MGMT: variants seen among roughly 807,000 people sequenced by gnomAD.
MGMT encodes the protein methylated-DNA--protein-cysteine methyltransferase.
In MGMT, 14 loss-of-function variants were observed where a neutral mutation model predicts 15.9. That is an observed-to-expected ratio of 0.88 (90% CI 0.58 to 1.37). The LOEUF (loss-of-function observed/expected upper bound fraction) is 1.37. MGMT is among the 40% of genes most tolerant of loss of function. The pLI, the probability that MGMT is intolerant of heterozygous loss-of-function variation, is 0.00. For missense variants in MGMT, 282 were observed against 268.1 expected, an observed-to-expected ratio of 1.05 and a Z score of -0.36; for synonymous variants, 130 against 118.2, an observed-to-expected ratio of 1.10 and a Z score of -0.65.
intron 1 of MGMT, among the ~76,000 whole-genome samples, chr10:129,534,176 G>A (rs1845961494): frequency 6.6e-6 from 1 of 152,162 alleles, no homozygotes. Context: ...GGGAGGCCGT[G>A]ATTTGCACCC....
chr10:129,574,819 A>G (rs1438309701), intron 2 of MGMT, among the ~76,000 whole-genome samples: 1 of 152,168 alleles, frequency 6.6e-6, no homozygotes, highest in African/African-American at 2.4e-5. Flanking sequence ...AATTATTAAA[A>G]ATATTGCTGC....
intron 2 of MGMT, among the ~76,000 whole-genome samples, chr10:129,576,692 C>T (rs1846487427): frequency 6.6e-6 from 1 of 152,156 alleles, no homozygotes; most frequent in African/African-American, 2.4e-5. Flanking sequence ...CCAGGGCAAT[C>T]AGGCAGGAGA....
rs113949109 is a variant in MGMT, at chr10:129,689,979, A to G, written c.126-17916A>G. Among the ~76,000 whole-genome samples, 394 of 152,310 alleles carry G rather than the reference A, an allele frequency of 2.6e-3. 4 individuals are homozygous for G. Among genetic ancestry groups the G allele is most frequent in the Non-Finnish European group, 4.4e-3 (302 of 68,024 alleles). On this transcript the variant is annotated intron_variant, in intron 2 of 4. Transcript: ENST00000651593. ...GAGTCCTTGTGTGCCAAAGTCGTAAACTCATTCAGATAGGCCCTAGGTCTG... is the reference window on the plus strand; with the variant it reads ...GAGTCCTTGTGTGCCAAAGTCGTAAGCTCATTCAGATAGGCCCTAGGTCTG...
At chr10:129,708,376 ACTAT>A (rs1190508250) in intron 3 of MGMT, among the ~76,000 whole-genome samples, 1 of 152,188 alleles carries the variant, frequency 6.6e-6, no homozygotes, top group Non-Finnish European at 1.5e-5. Context: ...GTGAACTTCA[ACTAT>A]CTGCTTGCCA....
chr10:129,694,472 G>A (rs565800635), intron 2 of MGMT, among the ~76,000 whole-genome samples: 42 of 152,296 alleles, frequency 2.8e-4, no homozygotes, highest in African/African-American at 1.0e-3. Flanking sequence ...ATTGATTTTT[G>A]AAGAGGAGGA....
chr10:129,746,515 G>A lies in MGMT; in HGVS notation c.275-12687G>A, dbSNP rs558324280. Among the ~76,000 whole-genome samples the A allele has an allele frequency of 9.2e-5, 14 of 151,468 alleles. No individual in the cohort carries two copies. The East Asian group carries it at 2.3e-3, about 25-fold the overall frequency. Reference sequence around the variant, plus strand: ...AAGTAAGTCATGAGATTTACATCACGTTTCACTATTTGCCTATGGATATCC... The same window carrying A: ...AAGTAAGTCATGAGATTTACATCACATTTCACTATTTGCCTATGGATATCC... On this transcript the variant is annotated intron_variant, in intron 3 of 4. Transcript: ENST00000651593.
chr10:129,763,724 A>C (rs1490590416), intron 4 of MGMT, among the ~76,000 whole-genome samples: 1 of 152,228 alleles, frequency 6.6e-6, no homozygotes, highest in Non-Finnish European at 1.5e-5. Context: ...GTATTATCTA[A>C]TAATGCCCTC....
At chr10:129,754,928 AGCCG>A (rs1848788395) in intron 3 of MGMT, among the ~76,000 whole-genome samples, 1 of 16,240 alleles carries the variant, frequency 6.2e-5, no homozygotes, top group East Asian at 1.7e-3. Context: ...AGTGGATTAG[AGCCG>A]AGCCCCTAGG....
chr10:129,669,989 C>T (rs762303482), intron 2 of MGMT, among the ~76,000 whole-genome samples: 1 of 152,036 alleles, frequency 6.6e-6, no homozygotes, highest in Non-Finnish European at 1.5e-5. Context: ...AAACCTGAAC[C>T]ATAAAAATTG....
intron 3 of MGMT, among the ~76,000 whole-genome samples, chr10:129,744,169 G>A (rs1848667834): frequency 6.6e-6 from 1 of 152,226 alleles, no homozygotes; most frequent in African/African-American, 2.4e-5. Flanking sequence ...CCAGGCCCAG[G>A]GGAGTCTTGC....
chr10:129,770,916 G>A lies in MGMT; in HGVS notation c.*3919G>A, dbSNP rs765889103. On this transcript the variant is annotated 3_prime_UTR_variant, in exon 5 of 5. Coordinates refer to ENST00000651593, the MANE Select transcript of MGMT (RefSeq NM_002412.5). ...TTTGGCTTCCCTCAGACCTCAGACC[G>A]TGTGGGTTTTTTTTTCTTTCTTTCT... Among the ~76,000 whole-genome samples the A allele has an allele frequency of 2.7e-5, 4 of 150,694 alleles. No homozygotes were observed. Among genetic ancestry groups the A allele is most frequent in the South Asian group, 2.1e-4 (1 of 4,822 alleles).
At chr10:129,576,773 A>G (rs557645626) in intron 2 of MGMT, among the ~76,000 whole-genome samples, 3 of 152,336 alleles carry the variant, frequency 2.0e-5, no homozygotes, top group East Asian at 1.9e-4. Flanking sequence ...ACGTGATTGT[A>G]TATCTAGAAA....
intron 2 of MGMT, among the ~76,000 whole-genome samples, chr10:129,642,820 T>A (rs899191411): frequency 6.6e-6 from 1 of 152,132 alleles, no homozygotes; most frequent in Non-Finnish European, 1.5e-5. Context: ...TAGTCACAGC[T>A]ACTTGGGAGG....
chr10:129,546,552 G>T (rs1175723734), intron 2 of MGMT, among the ~76,000 whole-genome samples: 1 of 152,204 alleles, frequency 6.6e-6, no homozygotes, highest in Admixed American at 6.5e-5. Flanking sequence ...AAAAGACCTG[G>T]AGGAACAGTT....
At chr10:129,525,642 T>A (rs10741195) in intron 1 of MGMT, among the ~76,000 whole-genome samples, 107,440 of 152,000 alleles carry the variant, frequency 0.71, 38,783 homozygotes, top group Middle Eastern at 0.81. Flanking sequence ...CCGGCTCCGA[T>A]GACAGTAATA....
At chr10:129,586,593 A>G (rs946892610) in intron 2 of MGMT, among the ~76,000 whole-genome samples, 2 of 152,182 alleles carry the variant, frequency 1.3e-5, no homozygotes, top group African/African-American at 2.4e-5. Context: ...GCTGAGTGGT[A>G]TTCCATTGTG....
At chr10:129,518,663 T>G (rs138427873) in intron 1 of MGMT, among the ~76,000 whole-genome samples, 1 of 133,562 alleles carries the variant, frequency 7.5e-6, no homozygotes, top group Non-Finnish European at 1.6e-5. Flanking sequence ...TTTCACGTCC[T>G]TAGGATTGTC....
intron 1 of MGMT, among the ~76,000 whole-genome samples, chr10:129,487,349 CTGGGGTTGCTAGGAAGTAAAGGAGAAAA>C (rs1408742428): frequency 1.3e-5 from 2 of 152,018 alleles, no homozygotes; most frequent in Non-Finnish European, 2.9e-5. Context: ...CATCACATCT[CTGGGGTTGCTAGGAAGTAAAGGAGAAAA>C]TGGGTTCACT....
intron 1 of MGMT, among the ~76,000 whole-genome samples, chr10:129,534,861 A>AG (rs1488446436): frequency 6.6e-6 from 1 of 152,024 alleles, no homozygotes; most frequent in Non-Finnish European, 1.5e-5. Flanking sequence ...AGAGGGTTCC[A>AG]GGGGTCCGCA....
Sources: gnomAD v4.1 joint callset for allele counts (sites outside exome capture counted in the v4.1 genomes callset) on GRCh38, gnomAD v4.1.1 for gene constraint, MANE v1.5 for transcripts, NCBI Gene and HGNC (gene_info 2026-07-23, HGNC 2026-07-21) for gene names.